The following GRIK4 variants were observed in gnomAD, a reference collection of about 807,000 sequenced individuals.
GRIK4 encodes glutamate ionotropic receptor kainate type subunit 4, also known as glutamate receptor ionotropic, kainate 4.
In GRIK4, 40 loss-of-function variants were observed where a neutral mutation model predicts 104.9. That is an observed-to-expected ratio of 0.38 (90% CI 0.30 to 0.50). The LOEUF (loss-of-function observed/expected upper bound fraction) is 0.50. GRIK4 is among the 20% of genes least tolerant of loss of function. GRIK4 has a pLI of 0.93. For synonymous variants in GRIK4, 485 were observed against 524.9 expected (o/e 0.92, Z 1.04); for missense variants, 1,047 against 1,308.1 (o/e 0.80, Z 3.08).
chr11:120,644,862 G>T (rs1949520612), intron 1 of GRIK4, among the ~76,000 whole-genome samples: 1 of 152,058 alleles, frequency 6.6e-6, no homozygotes. Context: ...CCTTCACGTT[G>T]TGCACATGTA....
intron 3 of GRIK4, among the ~76,000 whole-genome samples, chr11:120,743,608 A>G (rs930103258): frequency 2.6e-5 from 4 of 152,124 alleles, no homozygotes; most frequent in Non-Finnish European, 2.9e-5. Flanking sequence ...AAGTTTTTGT[A>G]TAATAGAATC....
chr11:120,630,594 A>AC (rs1949321169), intron 1 of GRIK4, among the ~76,000 whole-genome samples: 1 of 151,876 alleles, frequency 6.6e-6, no homozygotes, highest in Non-Finnish European at 1.5e-5. Flanking sequence ...GGGTGGCTGG[A>AC]CCCCCTCTCA....
chr11:120,746,408 G>T (rs1480540957), intron 3 of GRIK4, among the ~76,000 whole-genome samples: 1 of 152,130 alleles, frequency 6.6e-6, no homozygotes, highest in African/African-American at 2.4e-5. Flanking sequence ...ATACGGTGTG[G>T]GACAGGTAGG....
intron 6 of GRIK4, among the ~76,000 whole-genome samples, chr11:120,828,572 G>A (rs1415880399): frequency 6.6e-6 from 1 of 152,138 alleles, no homozygotes; most frequent in African/African-American, 2.4e-5. Flanking sequence ...AGAGGGGTGG[G>A]GCTGTTGCCA....
intron 1 of GRIK4, among the ~76,000 whole-genome samples, chr11:120,610,705 A>G (rs1030819459): frequency 6.6e-6 from 1 of 152,210 alleles, no homozygotes; most frequent in African/African-American, 2.4e-5. Context: ...CAAAGGAACG[A>G]CAGGATAGGA....
intron 2 of GRIK4, among the ~76,000 whole-genome samples, chr11:120,656,166 A>G (rs2135229776): frequency 6.6e-6 from 1 of 152,356 alleles, no homozygotes; most frequent in South Asian, 2.1e-4. Context: ...ATTTATCTGA[A>G]TGTTAAGCTG....
chr11:120,530,710 G>A (rs1056025590), intron 1 of GRIK4, among the ~76,000 whole-genome samples: 3 of 152,140 alleles, frequency 2.0e-5, no homozygotes, highest in African/African-American at 4.8e-5. Flanking sequence ...GGGTTCAGAG[G>A]CCTAAGAAGG....
intron 8 of GRIK4, among the ~76,000 whole-genome samples, chr11:120,856,423 G>T (rs550977404): frequency 7.5e-4 from 114 of 152,258 alleles, no homozygotes; most frequent in African/African-American, 2.7e-3. Context: ...TCAGAGGCAC[G>T]ATCTCCATTA....
chr11:120,717,194 C>A lies in GRIK4; in HGVS notation c.82+56794C>A, dbSNP rs140157692. 8.7e-3 allele frequency among the ~76,000 whole-genome samples: 1,322 copies of A among 152,224 alleles called. 25 individuals carry two copies. The highest frequency in any genetic ancestry group is 0.03 in the African/African-American group (1,253 of 41,552). The stretch of plus-strand genomic sequence containing the variant: ...TTGCCTTTGGTCACCTTAGTGTGAG[C>A]CTCAGGCTGGGGTCACAGCCATTGC... On this transcript the variant is annotated intron_variant, in intron 3 of 20. Transcript: ENST00000527524.
At chr11:120,648,344 G>A (rs1949570762) in intron 1 of GRIK4, among the ~76,000 whole-genome samples, 3 of 152,346 alleles carry the variant, frequency 2.0e-5, no homozygotes, top group Middle Eastern at 3.4e-3. Flanking sequence ...TGGATGGGGT[G>A]CCCTCTGCAT....
intron 4 of GRIK4, among the ~76,000 whole-genome samples, chr11:120,806,531 C>T (rs1444092890): frequency 6.6e-6 from 1 of 152,206 alleles, no homozygotes; most frequent in Non-Finnish European, 1.5e-5. Flanking sequence ...ACACCTGTCA[C>T]CCTGTGGCCA....
At chr11:120,550,169 T>C (rs1291588471) in intron 1 of GRIK4, among the ~76,000 whole-genome samples, 1 of 151,884 alleles carries the variant, frequency 6.6e-6, no homozygotes, top group Non-Finnish European at 1.5e-5. Flanking sequence ...AAGAAGGGGC[T>C]TACACCCAGG....
At chr11:120,825,611 G>A (rs1012217774) in intron 6 of GRIK4, among the ~76,000 whole-genome samples, 1 of 152,200 alleles carries the variant, frequency 6.6e-6, no homozygotes, top group African/African-American at 2.4e-5. Context: ...CTTGGATCTC[G>A]AGGCAGTCCC....
In GRIK4 at chr11:120,861,925, C is replaced by T. The variant is rs1183827848; in HGVS notation, c.745-34C>T. ...CATCCCTCACTTCACCCCTTCCTAA[C>T]TACATTCTTATTTCTGATGCTGGGT... On this transcript the variant is annotated intron_variant, in intron 8 of 20. Coordinates refer to ENST00000527524, the MANE Select transcript of GRIK4 (RefSeq NM_014619.5). 3 of 1,572,198 alleles carry T rather than the reference C, an allele frequency of 1.9e-6. No individual in the cohort carries two copies. In the East Asian group the frequency reaches 6.7e-5, roughly 35 times the overall value.
At chr11:120,679,785 A>G (rs1950161052) in intron 3 of GRIK4, among the ~76,000 whole-genome samples, 1 of 152,184 alleles carries the variant, frequency 6.6e-6, no homozygotes, top group Non-Finnish European at 1.5e-5. Context: ...GAGGAAGCTC[A>G]AACTCCTTTT....
intron 9 of GRIK4, 32 bp downstream of exon 9, chr11:120,862,152 C>T (rs370708977): frequency 1.3e-6 from 2 of 1,599,704 alleles, no homozygotes; most frequent in Non-Finnish European, 1.7e-6. Context: ...TCCTGGTGCC[C>T]CTTGGCCTCT....
intron 3 of GRIK4, among the ~76,000 whole-genome samples, chr11:120,782,461 A>G (rs1252742434): frequency 2.0e-5 from 3 of 151,884 alleles, no homozygotes; most frequent in Non-Finnish European, 4.4e-5. Context: ...AATTTTTTGT[A>G]TTTTTAGTAG....
intron 13 of GRIK4, among the ~76,000 whole-genome samples, chr11:120,933,195 C>T (rs541443146): frequency 3.9e-5 from 6 of 152,326 alleles, no homozygotes; most frequent in South Asian, 2.1e-4. Flanking sequence ...CCAGGTCACC[C>T]GGGAAAGGCC....
At chr11:120,944,084 G>A (rs1943793929) in intron 14 of GRIK4, among the ~76,000 whole-genome samples, 3 of 152,104 alleles carry the variant, frequency 2.0e-5, no homozygotes, top group Admixed American at 6.5e-5. Context: ...CAGGCTGGCT[G>A]AGGAGTCTGG....
Sources: gnomAD v4.1 joint callset for allele counts (sites outside exome capture counted in the v4.1 genomes callset) on GRCh38, gnomAD v4.1.1 for gene constraint, MANE v1.5 for transcripts, NCBI Gene and HGNC (gene_info 2026-07-23, HGNC 2026-07-21) for gene names.